PTAFR: variants seen among roughly 807,000 people sequenced by gnomAD.
PTAFR encodes the protein platelet-activating factor receptor.
PTAFR carries 8 observed loss-of-function variants against 14.7 expected under a neutral mutation model. The observed-to-expected ratio is 0.54, with a 90% CI of 0.32 to 0.98. The LOEUF (loss-of-function observed/expected upper bound fraction) is 0.98, where lower values mean the gene tolerates loss of function less well. Ranked by LOEUF, PTAFR falls within the 50% of genes least tolerant of loss-of-function variation. The pLI, the probability that PTAFR is intolerant of heterozygous loss-of-function variation, is 0.04. For synonymous variants in PTAFR, 156 were observed against 176.5 expected, an observed-to-expected ratio of 0.88 and a Z score of 0.92; for missense variants, 337 against 451.2, an observed-to-expected ratio of 0.75 and a Z score of 2.29.
chr1:28,181,221 G>A (rs1023349708), upstream of PTAFR, among the ~76,000 whole-genome samples: 1 of 152,142 alleles, frequency 6.6e-6, no homozygotes, highest in African/African-American at 2.4e-5. Context: ...AGGATTTCTT[G>A]TACTCTTCCT....
rs184334343 is a variant in PTAFR, at chr1:28,157,860, G to C, written c.-38-6801C>G. ...TTAGCCAGGATGGTCTTGATCTCCT[G>C]ACCTTGTGATCTGCCCGCCTCGGCC... On this transcript the variant is annotated intron_variant, in intron 1 of 1. Coordinates refer to ENST00000373857, the MANE Select transcript of PTAFR (RefSeq NM_000952.5). 3.1e-3 allele frequency among the ~76,000 whole-genome samples: 461 copies of C among 150,862 alleles called. 1 individual carries two copies. The highest frequency in any genetic ancestry group is 5.7e-3 in the Non-Finnish European group (384 of 67,582).
intron 1 of PTAFR, among the ~76,000 whole-genome samples, chr1:28,188,930 T>C (rs1281376303): frequency 8.5e-6 from 1 of 117,702 alleles, no homozygotes; most frequent in African/African-American, 3.1e-5. Flanking sequence ...TATAAAAATA[T>C]AGTCAACATT....
Position 28,167,959 on chromosome 1 carries a change from T to A in PTAFR, c.-39+8633A>T, listed in dbSNP as rs1379121473. On this transcript the variant is annotated intron_variant, in intron 1 of 1. Transcript: ENST00000373857. Reference sequence around the variant, plus strand: ...CAACTGAAAACCAGATCTTTTTTTTTTTTTTTTTTTTTTTTTTGAGATGGA... The same window carrying A: ...CAACTGAAAACCAGATCTTTTTTTTATTTTTTTTTTTTTTTTTGAGATGGA... Among the ~76,000 whole-genome samples, 4 of 120,902 alleles carry A rather than the reference T, an allele frequency of 3.3e-5. No individual in the cohort carries two copies. In the East Asian group the frequency reaches 7.2e-4, roughly 22 times the overall value. The allele number at this position is 120,902 out of a possible 152,430, so 79.3% of individuals were successfully genotyped here. A position where few individuals can be genotyped will look rare whatever the true frequency, so the allele number is the denominator to read the frequency against.
At chr1:28,171,498 A>G (rs938789482) in intron 1 of PTAFR, among the ~76,000 whole-genome samples, 14 of 151,938 alleles carry the variant, frequency 9.2e-5, no homozygotes, top group Non-Finnish European at 1.5e-4. Context: ...CTCTAATGTT[A>G]CCTCTCACAG....
intron 1 of PTAFR, among the ~76,000 whole-genome samples, chr1:28,167,910 A>T (rs1646405174): frequency 7.2e-6 from 1 of 138,428 alleles, no homozygotes. Flanking sequence ...AAGTGCTGGG[A>T]TTACAGGGAT....
In PTAFR at chr1:28,149,249, GGTA is replaced by G. The variant is rs1309137810; in HGVS notation, c.*741_*743del. ...ATCTTAGCTCAAAAGTCTGCCCCAAGGTAGTGCCATACAGTGAGGGCAGTGTCC... is the reference window on the plus strand; with the variant it reads ...ATCTTAGCTCAAAAGTCTGCCCCAAGGTGCCATACAGTGAGGGCAGTGTCC... On this transcript the variant is annotated 3_prime_UTR_variant, in exon 2 of 2. Coordinates refer to ENST00000373857, the MANE Select transcript of PTAFR (RefSeq NM_000952.5). 6.6e-6 allele frequency: 1 copy of G among 151,248 alleles called. No homozygotes were observed. Among genetic ancestry groups the G allele is most frequent in the Non-Finnish European group, 1.5e-5 (1 of 67,926 alleles). The allele number at this position is 151,248 out of a possible 1,614,324, so 9.4% of individuals were successfully genotyped here.
chr1:28,181,724 A>G (rs1646564269), intron 1 of PTAFR, among the ~76,000 whole-genome samples: 1 of 152,066 alleles, frequency 6.6e-6, no homozygotes, highest in Non-Finnish European at 1.5e-5. Context: ...CCTGGGCAAC[A>G]AGAGCGAAAC....
intron 1 of PTAFR, among the ~76,000 whole-genome samples, chr1:28,172,038 C>T (rs1343437984): frequency 6.6e-6 from 1 of 151,982 alleles, no homozygotes; most frequent in Non-Finnish European, 1.5e-5. Context: ...GGGGTTGAGA[C>T]TGAATCTCAG....
At chr1:28,158,926 G>A (rs1646295457) in intron 1 of PTAFR, among the ~76,000 whole-genome samples, 1 of 152,184 alleles carries the variant, frequency 6.6e-6, no homozygotes, top group African/African-American at 2.4e-5. Context: ...GTCGTCTGGA[G>A]GGCCTCAAGA....
chr1:28,188,541 C>T (rs1646624564), intron 1 of PTAFR, among the ~76,000 whole-genome samples: 1 of 152,078 alleles, frequency 6.6e-6, no homozygotes, highest in Non-Finnish European at 1.5e-5. Context: ...GAATTCGAGA[C>T]CAGCACGGCC....
chr1:28,167,950 CTTTTTTTTTTTTTTTTT>C (rs33965504), intron 1 of PTAFR, among the ~76,000 whole-genome samples: 1 of 38,150 alleles, frequency 2.6e-5, no homozygotes, highest in Non-Finnish European at 4.3e-5. Context: ...AAAACCAGAT[CTTTTTTTTTTTTTTTTT>C]TTTTTTTTTG....
At chr1:28,163,488 G>T (rs1031679560) in intron 1 of PTAFR, among the ~76,000 whole-genome samples, 4 of 152,200 alleles carry the variant, frequency 2.6e-5, no homozygotes, top group African/African-American at 9.6e-5. Context: ...GCTGTACTGG[G>T]GTGGAGTGGG....
intron 1 of PTAFR, among the ~76,000 whole-genome samples, chr1:28,154,831 A>AAAGAG (rs1553164371): frequency 1.9e-5 from 1 of 53,564 alleles, no homozygotes; most frequent in Admixed American, 2.4e-4. Context: ...AAAAAAAAAA[A>AAAGAG]GTGGGGGGGG....
chr1:28,149,554 C>A lies in PTAFR; in HGVS notation c.*439G>T. ...TTTACAATGTTGGCCAGGATGGTCTCGATCTCTTGACCCATGATCTGCCCA... is the reference window on the plus strand; with the variant it reads ...TTTACAATGTTGGCCAGGATGGTCTAGATCTCTTGACCCATGATCTGCCCA... On this transcript the variant is annotated 3_prime_UTR_variant, in exon 2 of 2. Transcript: ENST00000373857. 2 of 167,140 alleles carry A rather than the reference C, an allele frequency of 1.2e-5. No individual in the cohort carries two copies. Among genetic ancestry groups the A allele is most frequent in the South Asian group, 2.9e-4 (2 of 6,928 alleles). 10.4% of individuals were successfully genotyped at this position (167,140 alleles called of 1,614,324 possible).
At chr1:28,161,370 C>T (rs2148996579) in intron 1 of PTAFR, among the ~76,000 whole-genome samples, 1 of 152,260 alleles carries the variant, frequency 6.6e-6, no homozygotes, top group East Asian at 1.9e-4. Context: ...AAAGTTCCTG[C>T]TCTCGAGGAG....
intron 1 of PTAFR, among the ~76,000 whole-genome samples, chr1:28,161,967 C>G (rs1347475947): frequency 6.6e-6 from 1 of 152,150 alleles, no homozygotes. Context: ...GGAATAATTT[C>G]ATCATGTTCT....
upstream of PTAFR, among the ~76,000 whole-genome samples, chr1:28,179,975 T>G (rs1042608633): frequency 4.6e-5 from 7 of 152,060 alleles, no homozygotes; most frequent in African/African-American, 1.4e-4. Flanking sequence ...TACTGGACAA[T>G]GGAGCCAGTT....
In PTAFR at chr1:28,150,415, G is replaced by A; in HGVS notation, c.607C>T (p.Leu203Phe). 1 of 1,613,990 alleles carries A rather than the reference G, an allele frequency of 6.2e-7. No homozygotes were observed. Among genetic ancestry groups the A allele is most frequent in the Non-Finnish European group, 8.5e-7 (1 of 1,179,912 alleles). Residue 203 changes from leucine (L) to phenylalanine (F), a missense_variant, in exon 2 of 2, where the codon CTC (leucine) becomes TTC (phenylalanine). Leu to Phe is a conservative substitution (Grantham distance 22). Coordinates refer to ENST00000373857, the MANE Select transcript of PTAFR (RefSeq NM_000952.5). The surrounding 1 kb of genome is among the most constrained non-coding windows in gnomAD (Gnocchi z 6.3). ...FSFFLVFLII[L>F]FCNLVIIRTL... is the part of the protein sequence containing the mutation. ...CGGATGATGACCAGGTTGCAGAAGA[G>A]GATGATGAGGAAGACCAGGAAGAAG...
At position 28,150,936 on chromosome 1, in the gene PTAFR, C is replaced by G. The variant is rs1646179227; in HGVS notation, c.86G>C (p.Gly29Ala). The G allele has an allele frequency of 6.2e-7, 1 of 1,614,018 alleles. No individual in the cohort carries two copies. The highest frequency in any genetic ancestry group is 8.5e-7 in the Non-Finnish European group (1 of 1,179,982). The change falls in exon 2 of 2, where the codon GGG (glycine) becomes GCG (alanine). Residue 29 changes from glycine to alanine, a missense_variant. Gly to Ala is a moderately conservative substitution (Grantham distance 60, BLOSUM62 0). Transcript: ENST00000373857. This position sits in a 1 kb window ranked among gnomAD's most constrained non-coding sequence, Gnocchi z 6.3. ...PIVYSIIFVL[G>A]VIANGYVLWV... ...CAGCACGTAGCCATTAGCAATGACC[C>G]CGAGCACAAAGATGATGCTGTAAAC...
Sources: allele counts gnomAD v4.1 joint callset (sites outside exome capture counted in the v4.1 genomes callset), GRCh38; gene constraint gnomAD v4.1.1; non-coding constraint Gnocchi (gnomAD v3.1); transcripts MANE v1.5; gene names NCBI Gene and HGNC (gene_info 2026-07-23, HGNC 2026-07-21).